B4GALT4: variants seen among roughly 807,000 people sequenced by gnomAD.
B4GALT4 encodes the protein N-acetyllactosamine synthase.
In B4GALT4, 27 loss-of-function variants were observed where a neutral mutation model predicts 37.3. The ratio of observed to expected loss-of-function variants is 0.72; its 90% CI spans 0.53 to 1.00. The LOEUF (loss-of-function observed/expected upper bound fraction) is 1.00. B4GALT4 is among the 50% of genes least tolerant of loss of function. B4GALT4 has a pLI of 0.00. For synonymous variants in B4GALT4, 148 were observed against 154.1 expected (o/e 0.96, Z 0.29); for missense variants, 372 against 413.1 (o/e 0.90, Z 0.86).
intron 1 of B4GALT4, 93 bp from the exon 2 acceptor site, chr3:119,237,163 T>C (rs747534710): frequency 2.6e-5 from 4 of 152,256 alleles, no homozygotes; most frequent in Non-Finnish European, 4.4e-5. Context: ...GAGGTTCCAA[T>C]AGAAGTTCAT....
intron 6 of B4GALT4, among the ~76,000 whole-genome samples, chr3:119,217,947 A>G (rs910331487): frequency 6.6e-6 from 1 of 152,178 alleles, no homozygotes; most frequent in Non-Finnish European, 1.5e-5. Flanking sequence ...ACAAGTCTAA[A>G]GATACCAGCC....
chr3:119,218,737 G>A lies in B4GALT4; in HGVS notation c.710C>T (p.Ala237Val), dbSNP rs1185275891. The change falls in exon 6 of 8, where the codon GCC (alanine) becomes GTC (valine). Residue 237 changes from alanine to valine, a missense_variant. Ala to Val is a moderately conservative substitution (Grantham distance 64). Transcript: ENST00000393765. ...RYSGYFGGVT[A>V]LSREQFFKVN... ...CTTGAAAAACTGCTCTCTGCTTAGG[G>A]CAGTAACACCCCCAAAATATCCACT... 1.8e-5 allele frequency: 29 copies of A among 1,613,916 alleles called. No individual in the cohort carries two copies. Among genetic ancestry groups the A allele is most frequent in the Non-Finnish European group, 2.5e-5 (29 of 1,179,972 alleles).
chr3:119,233,644 T>C (rs1402240108), intron 2 of B4GALT4, among the ~76,000 whole-genome samples: 1 of 152,168 alleles, frequency 6.6e-6, no homozygotes, highest in East Asian at 1.9e-4. Flanking sequence ...TATCCAAGAA[T>C]AGCTGCAAAT....
intron 5 of B4GALT4, among the ~76,000 whole-genome samples, chr3:119,220,366 G>T (rs191687479): frequency 2.0e-4 from 30 of 152,230 alleles, no homozygotes; most frequent in Non-Finnish European, 4.0e-4. Flanking sequence ...CAAGCAATCA[G>T]CATGAGAACA....
intron 5 of B4GALT4, 152 bp from the exon 6 acceptor site, chr3:119,218,924 G>T: frequency 1.1e-6 from 1 of 893,470 alleles, no homozygotes; most frequent in Admixed American, 2.5e-5. Context: ...CAATGCTCCT[G>T]GCCTTCCCTG....
At chr3:119,234,795 G>A (rs752871412) in intron 2 of B4GALT4, among the ~76,000 whole-genome samples, 9 of 152,112 alleles carry the variant, frequency 5.9e-5, no homozygotes, top group Non-Finnish European at 1.3e-4. Flanking sequence ...TCAGTATTGA[G>A]AACAAATTCA....
At chr3:119,213,380 G>T (rs1235172144) in intron 7 of B4GALT4, 1 of 152,220 alleles carries the variant, frequency 6.6e-6, no homozygotes, top group Non-Finnish European at 1.5e-5. Flanking sequence ...GTTCAGCAGT[G>T]AAGACAATAA....
intron 2 of B4GALT4, among the ~76,000 whole-genome samples, chr3:119,234,302 T>C (rs116678318): frequency 0.057 from 8,686 of 152,112 alleles, 267 homozygotes; most frequent in African/African-American, 0.095. Flanking sequence ...TTATTTTTAG[T>C]AGAGACAGAG....
chr3:119,219,158 G>A (rs1259459855), intron 5 of B4GALT4, among the ~76,000 whole-genome samples: 2 of 152,182 alleles, frequency 1.3e-5, no homozygotes, highest in Admixed American at 6.5e-5. Flanking sequence ...GGCTGCATCC[G>A]GGTTCAGCAC....
chr3:119,235,727 A>G (rs566964509), intron 2 of B4GALT4, among the ~76,000 whole-genome samples: 1 of 152,332 alleles, frequency 6.6e-6, no homozygotes, highest in African/African-American at 2.4e-5. Context: ...GGAATGGGAT[A>G]AAAATGATGA....
At chr3:119,229,204 C>T (rs2078730305) in intron 3 of B4GALT4, among the ~76,000 whole-genome samples, 1 of 152,214 alleles carries the variant, frequency 6.6e-6, no homozygotes, top group African/African-American at 2.4e-5. Flanking sequence ...CTCTGGTGCT[C>T]TGCTGATGCC....
At chr3:119,219,804 C>A (rs987387775) in intron 5 of B4GALT4, among the ~76,000 whole-genome samples, 1 of 152,048 alleles carries the variant, frequency 6.6e-6, no homozygotes, top group Non-Finnish European at 1.5e-5. Flanking sequence ...TAAAGGTATC[C>A]CTTAAATATA....
intron 2 of B4GALT4, among the ~76,000 whole-genome samples, chr3:119,235,837 G>GT (rs1559936744): frequency 6.6e-6 from 1 of 152,146 alleles, no homozygotes; most frequent in Non-Finnish European, 1.5e-5. Context: ...TGATGGCACT[G>GT]TATTTTAACC....
chr3:119,215,436 G>T lies in B4GALT4; in HGVS notation c.902+804C>A. On this transcript the variant is annotated intron_variant, in intron 7 of 7. Transcript: ENST00000393765. Reference sequence around the variant, plus strand: ...CTGCCCTGTTGGCTTCCCTACTTTTGAGGTTTTGGGACCCGGGCTGGCTTC... The same window carrying T: ...CTGCCCTGTTGGCTTCCCTACTTTTTAGGTTTTGGGACCCGGGCTGGCTTC... 2.0e-5 allele frequency: 3 copies of T among 153,218 alleles called. No individual in the cohort carries two copies. In the South Asian group the frequency reaches 5.5e-4, roughly 28 times the overall value. 9.5% of individuals were successfully genotyped at this position (153,218 alleles called of 1,614,324 possible). A position where few individuals can be genotyped will look rare whatever the true frequency, so the allele number is the denominator to read the frequency against.
intron 2 of B4GALT4, 25 bp from the exon 3 acceptor site, chr3:119,230,269 G>T: frequency 1.2e-6 from 1 of 846,766 alleles, no homozygotes; most frequent in East Asian, 2.7e-5. Context: ...CAAAAGACAC[G>T]TTGTTTCAAA....
At chr3:119,227,067 A>G (rs781152265) in intron 3 of B4GALT4, 26 bp from the exon 4 acceptor site, 37 of 1,597,664 alleles carry the variant, frequency 2.3e-5, no homozygotes, top group Non-Finnish European at 2.8e-5. Context: ...GACACAGACA[A>G]TAACAGTAGC....
chr3:119,220,782 C>G (rs536305328), intron 5 of B4GALT4, among the ~76,000 whole-genome samples: 10 of 152,212 alleles, frequency 6.6e-5, no homozygotes, highest in South Asian at 4.2e-4. Context: ...GTCAGGAGAT[C>G]GAGACCACCC....
At chr3:119,213,715 A>G (rs1023275170) in intron 7 of B4GALT4, 7 of 152,210 alleles carry the variant, frequency 4.6e-5, no homozygotes, top group African/African-American at 1.7e-4. Flanking sequence ...GGGGTAGGAG[A>G]TATCAGCAGT....
At chr3:119,231,997 A>G (rs772950095) in intron 2 of B4GALT4, among the ~76,000 whole-genome samples, 2 of 151,948 alleles carry the variant, frequency 1.3e-5, no homozygotes, top group Non-Finnish European at 2.9e-5. Flanking sequence ...GCAGTAAGTA[A>G]CTGTAAAAAA....
Sources: allele counts gnomAD v4.1 joint callset (sites outside exome capture counted in the v4.1 genomes callset), GRCh38; gene constraint gnomAD v4.1.1; transcripts MANE v1.5; gene names NCBI Gene and HGNC (gene_info 2026-07-23, HGNC 2026-07-21).